MRPL46: variants seen among roughly 807,000 people sequenced by gnomAD.
MRPL46 encodes mitochondrial ribosomal protein L46.
A neutral mutation model predicts 31.0 loss-of-function variants in MRPL46; 26 were observed. The ratio of observed to expected loss-of-function variants is 0.84; its 90% CI spans 0.61 to 1.16. The LOEUF (loss-of-function observed/expected upper bound fraction) is 1.16. MRPL46 is among the 50% of genes most tolerant of loss of function. MRPL46 has a pLI of 0.00. For missense variants in MRPL46, 395 were observed against 340.0 expected (o/e 1.16, Z -1.27); for synonymous variants, 159 against 141.3 (o/e 1.13, Z -0.89).
chr15:88,466,821 CCTT>C (rs950104441), intron 1 of MRPL46, among the ~76,000 whole-genome samples: 2 of 152,152 alleles, frequency 1.3e-5, no homozygotes, highest in East Asian at 1.9e-4. Context: ...TCTTGTATTT[CCTT>C]CTTAACATTC....
chr15:88,466,913 C>G (rs891388866), intron 1 of MRPL46, among the ~76,000 whole-genome samples: 1 of 152,118 alleles, frequency 6.6e-6, no homozygotes, highest in African/African-American at 2.4e-5. Flanking sequence ...CCACAGGATC[C>G]CTATTGTGTT....
chr15:88,465,500 C>A, intron 2 of MRPL46, 87 bp downstream of exon 2: 1 of 1,339,262 alleles, frequency 7.5e-7, no homozygotes, highest in African/African-American at 1.5e-5. Flanking sequence ...ACTTAAAACA[C>A]AAAGCAGGGG....
At chr15:88,464,990 G>A in intron 2 of MRPL46, 114 bp from the exon 3 acceptor site, 6 of 1,233,082 alleles carry the variant, frequency 4.9e-6, no homozygotes, top group Non-Finnish European at 6.7e-6. Flanking sequence ...AAAGAGCTTA[G>A]AACCAAATTA....
At chr15:88,459,998 G>A in intron 3 of MRPL46, 135 bp from the exon 4 acceptor site, 4 of 1,123,304 alleles carry the variant, frequency 3.6e-6, no homozygotes, top group Non-Finnish European at 5.0e-6. Flanking sequence ...AATAGGACTA[G>A]AGCCATTCCT....
At chr15:88,465,329 A>G (rs1196904415) in intron 2 of MRPL46, 2 of 433,996 alleles carry the variant, frequency 4.6e-6, no homozygotes, top group East Asian at 6.8e-5. Context: ...CCCCACTCTC[A>G]GTCTCAAACT....
At position 88,465,759 on chromosome 15, in the gene MRPL46, T is replaced by G; in HGVS notation, c.243A>C (p.Arg81Ser). The G allele has an allele frequency of 6.3e-7, 1 of 1,581,990 alleles. No individual in the cohort carries two copies. Among genetic ancestry groups the G allele is most frequent in the Admixed American group, 2.0e-5 (1 of 50,942 alleles). ...GAAGCTCGTGGTCTGAATACAGGCT[T>G]CTCTCTATCTCAATCTGGGAAAATT... Reference protein sequence around the residue: ...ASLLQQIEIERSLYSDHELRA... With the variant: ...ASLLQQIEIESSLYSDHELRA... Residue 81 changes from arginine (R) to serine (S), a missense_variant, in exon 2 of 4, where the codon AGA (arginine) becomes AGC (serine). Coordinates refer to ENST00000312475, the MANE Select transcript of MRPL46 (RefSeq NM_022163.4).
At chr15:88,464,499 T>G (rs117469099) in intron 3 of MRPL46, 11,887 of 540,984 alleles carry the variant, frequency 0.022, 194 homozygotes, top group Middle Eastern at 0.028. Context: ...GAACAAAGGA[T>G]TCTCACCTGG....
At chr15:88,460,620 A>G (rs138980584) in intron 3 of MRPL46, 22 of 152,400 alleles carry the variant, frequency 1.4e-4, no homozygotes, top group East Asian at 3.9e-4. Flanking sequence ...CAGTCCTCAC[A>G]ATAAAATTGA....
At chr15:88,466,867 T>A (rs906472011) in intron 1 of MRPL46, among the ~76,000 whole-genome samples, 1 of 152,170 alleles carries the variant, frequency 6.6e-6, no homozygotes, top group African/African-American at 2.4e-5. Flanking sequence ...CCTCCAGACT[T>A]GTAAGCTCCT....
chr15:88,462,017 T>C (rs1036682138), intron 3 of MRPL46: 7 of 152,220 alleles, frequency 4.6e-5, no homozygotes, highest in African/African-American at 9.6e-5. Flanking sequence ...CATCTGTATA[T>C]GCATAGAGAA....
At chr15:88,465,072 T>A in intron 2 of MRPL46, 196 bp from the exon 3 acceptor site, 1 of 515,364 alleles carries the variant, frequency 1.9e-6, no homozygotes. Flanking sequence ...AACTAAAAGG[T>A]AAGAAATCAA....
rs1397336820 is a variant in MRPL46, at chr15:88,467,188, T to C, written c.190A>G (p.Thr64Ala). Residue 64 changes from threonine (T) to alanine (A), a missense_variant, in exon 1 of 4, where the codon ACC (threonine) becomes GCC (alanine). Thr to Ala is a moderately conservative substitution (Grantham distance 58, BLOSUM62 0). Transcript: ENST00000312475. ...QRPPVVSKPL[T>A]PLQEEMASLL... is the part of the protein sequence containing the mutation. ...GACGCCATCTCTTCCTGCAATGGGG[T>C]CAACGGCTTGGAGACTACAGGTGGC... 2.5e-6 allele frequency: 4 copies of C among 1,613,930 alleles called. No individual in the cohort carries two copies. The African/African-American group carries it at 4.0e-5, about 16-fold the overall frequency.
In MRPL46 at chr15:88,464,892, T is replaced by G. The variant is rs2055509464; in HGVS notation, c.416-16A>C. The G allele has an allele frequency of 6.2e-7, 1 of 1,610,276 alleles. No homozygotes were observed. Among genetic ancestry groups the G allele is most frequent in the Non-Finnish European group, 8.5e-7 (1 of 1,178,270 alleles). On this transcript the variant is annotated splice_polypyrimidine_tract_variant and intron_variant, in intron 2 of 3. Coordinates refer to ENST00000312475, the MANE Select transcript of MRPL46 (RefSeq NM_022163.4). ...TCATCAGCTTCTACAGCAAAGGGGG[T>G]CAGAGGAGGTAAGAAGACTGTGATC...
Position 88,467,301 on chromosome 15 carries a change from C to A in MRPL46, c.77G>T (p.Ser26Ile). 1 of 1,612,274 alleles carries A rather than the reference C, an allele frequency of 6.2e-7. No individual in the cohort carries two copies. The highest frequency in any genetic ancestry group is 1.7e-5 in the Admixed American group (1 of 59,884). The part of the protein sequence containing the change: ...WRRFERLWAG[S>I]LSSRSLALAA... ...AAGAGCCAGGCTGCGAGAGCTTAGA[C>A]TGCCGGCCCAGAGCCTCTCGAACCG... Residue 26 changes from serine to isoleucine, a missense_variant, in exon 1 of 4, where the codon AGT becomes ATT. Transcript: ENST00000312475.
chr15:88,459,908 C>T (rs755221823), intron 3 of MRPL46, 45 bp from the exon 4 acceptor site: 16 of 1,608,564 alleles, frequency 9.9e-6, no homozygotes, highest in Non-Finnish European at 1.4e-5. Context: ...GGTAAGGATA[C>T]AGCCATCTGT....
chr15:88,467,367 G>C lies in MRPL46; in HGVS notation c.11C>G (p.Pro4Arg), dbSNP rs1436005214. 6.3e-7 allele frequency: 1 copy of C among 1,576,294 alleles called. No individual in the cohort carries two copies. The highest frequency in any genetic ancestry group is 1.8e-5 in the Admixed American group (1 of 55,726). ...CACCCCTAACAGCGTCCGCCTTACG[G>C]GCGCCGCCATCTTTCGTTCTCCCAC... MAAPVRRTLLGVAG... is the reference protein window; with the variant it reads MAARVRRTLLGVAG... Residue 4 changes from proline to arginine, a missense_variant, in exon 1 of 4, where the codon CCC becomes CGC. Transcript: ENST00000312475.
At chr15:88,461,384 T>G (rs2055475958) in intron 3 of MRPL46, 1 of 151,552 alleles carries the variant, frequency 6.6e-6, no homozygotes, top group Non-Finnish European at 1.5e-5. Context: ...AGATTCCATC[T>G]CTAAAGGAAA....
At position 88,459,651 on chromosome 15, in the gene MRPL46, A is replaced by T; in HGVS notation, c.802T>A (p.Tyr268Asn). Residue 268 changes from tyrosine (Y) to asparagine (N), a missense_variant, in exon 4 of 4, where the codon TAC becomes AAC. Transcript: ENST00000312475. ...ACAAACCTCCTAACTTGGGCCAGGT[A>T]TTTTGGTTTCAAATAGTCACCCAGC... is the stretch of plus-strand genomic sequence containing the variant. ...DELGDYLKPK[Y>N]LAQVRRFVSD... 1 of 1,614,160 alleles carries T rather than the reference A, an allele frequency of 6.2e-7. No individual in the cohort carries two copies. Among genetic ancestry groups the T allele is most frequent in the Non-Finnish European group, 8.5e-7 (1 of 1,180,018 alleles).
At chr15:88,466,917 T>C (rs987108503) in intron 1 of MRPL46, among the ~76,000 whole-genome samples, 38 of 152,190 alleles carry the variant, frequency 2.5e-4, no homozygotes, top group African/African-American at 8.4e-4. Context: ...AGGATCCCTA[T>C]TGTGTTGCAT....
Sources: gnomAD v4.1 joint callset for allele counts (sites outside exome capture counted in the v4.1 genomes callset) on GRCh38, gnomAD v4.1.1 for gene constraint, MANE v1.5 for transcripts, NCBI Gene and HGNC (gene_info 2026-07-23, HGNC 2026-07-21) for gene names.